EVL: variants seen among roughly 807,000 people sequenced by gnomAD.
The protein encoded by EVL is ena/VASP-like protein.
A neutral mutation model predicts 59.6 loss-of-function variants in EVL; 21 were observed. That is an observed-to-expected ratio of 0.35 (90% CI 0.25 to 0.51). The LOEUF is 0.51. Among genes scored for constraint, EVL ranks in the 20% least tolerant of loss-of-function variants. EVL has a pLI of 0.97. For synonymous variants in EVL, 198 were observed against 203.5 expected (o/e 0.97, Z 0.23); for missense variants, 462 against 546.6 (o/e 0.85, Z 1.54).
Position 100,084,831 on chromosome 14 carries a change from T to C in EVL, c.156T>C (p.Val52=), listed in dbSNP as rs778297086. 3.2e-5 allele frequency: 51 copies of C among 1,613,944 alleles called. No individual in the cohort carries two copies. Among genetic ancestry groups the C allele is most frequent in the Non-Finnish European group, 4.3e-5 (51 of 1,180,006 alleles). ...CTGCCAGCAACACCTTCAGAGTCGT[T>C]GGAGTCAAGTTGCAGGATCAGCAGG... is the stretch of plus-strand genomic sequence containing the variant. ...HNTASNTFRV[V]GVKLQDQQVV... is the part of the protein sequence containing the mutation. The change falls in exon 2 of 14, where the codon GTT becomes GTC. Residue 52 remains valine (V), a synonymous_variant. Transcript: ENST00000392920.
intron 1 of EVL, among the ~76,000 whole-genome samples, chr14:100,016,815 A>G (rs1338157718): frequency 6.6e-6 from 1 of 152,022 alleles, no homozygotes; most frequent in African/African-American, 2.4e-5. Context: ...TGAGGTGTCT[A>G]CCTCTCACTT....
chr14:100,122,895 G>C (rs1887790640), intron 3 of EVL, among the ~76,000 whole-genome samples: 1 of 152,186 alleles, frequency 6.6e-6, no homozygotes, highest in Non-Finnish European at 1.5e-5. Context: ...GCAGGGTGTG[G>C]CCAGAAAGTT....
chr14:100,070,976 A>G (rs980394848), intron 1 of EVL, among the ~76,000 whole-genome samples: 1 of 152,200 alleles, frequency 6.6e-6, no homozygotes, highest in Non-Finnish European at 1.5e-5. Context: ...TTGAAAGAGT[A>G]TGGGAGATGC....
At chr14:100,136,340 C>T (rs935378909) in intron 9 of EVL, among the ~76,000 whole-genome samples, 1 of 152,226 alleles carries the variant, frequency 6.6e-6, no homozygotes, top group Non-Finnish European at 1.5e-5. Context: ...AGTGTCAGGA[C>T]TCATGTCTCC....
rs572160062 is a variant in EVL, at chr14:100,132,875, C to T, written c.900+96C>T. 73 of 1,364,058 alleles carry T rather than the reference C, an allele frequency of 5.4e-5. No homozygotes were observed. The East Asian group carries it at 1.3e-3, about 23-fold the overall frequency. The allele number at this position is 1,364,058 out of a possible 1,614,324, so 84.5% of individuals were successfully genotyped here. A position where few individuals can be genotyped will look rare whatever the true frequency, so the allele number is the denominator to read the frequency against. ...TCTCAGGCGAGGCCTTTGGGACATGCGTGGGATGGGCGCTTCATCAGGTGA... is the reference window on the plus strand; with the variant it reads ...TCTCAGGCGAGGCCTTTGGGACATGTGTGGGATGGGCGCTTCATCAGGTGA... On this transcript the variant is annotated intron_variant, in intron 8 of 13. Coordinates refer to ENST00000392920, the MANE Select transcript of EVL (RefSeq NM_016337.3).
intron 1 of EVL, among the ~76,000 whole-genome samples, chr14:100,002,640 C>G (rs2060953003): frequency 6.6e-6 from 1 of 152,102 alleles, no homozygotes; most frequent in Non-Finnish European, 1.5e-5. Context: ...TTTAGGGAAC[C>G]TAATATCTTA....
chr14:100,028,353 A>T (rs572353413), intron 1 of EVL, among the ~76,000 whole-genome samples: 3 of 151,876 alleles, frequency 2.0e-5, no homozygotes, highest in African/African-American at 7.3e-5. Flanking sequence ...ATTTTTTCAC[A>T]TACCTCTTGG....
At chr14:100,096,400 G>T (rs1213087979) in intron 2 of EVL, among the ~76,000 whole-genome samples, 1 of 152,134 alleles carries the variant, frequency 6.6e-6, no homozygotes, top group Non-Finnish European at 1.5e-5. Context: ...ACTTCCATTC[G>T]TAGAGATCTT....
At chr14:99,988,559 A>G (rs1462900496) in intron 1 of EVL, among the ~76,000 whole-genome samples, 3 of 152,192 alleles carry the variant, frequency 2.0e-5, no homozygotes, top group African/African-American at 7.2e-5. Context: ...GAGTTACCCT[A>G]TGACCTATCA....
intron 3 of EVL, among the ~76,000 whole-genome samples, chr14:100,115,444 G>T (rs1038735748): frequency 3.3e-5 from 5 of 152,234 alleles, no homozygotes; most frequent in African/African-American, 1.2e-4. Flanking sequence ...TTCCTCTCCA[G>T]TGTCTCCTTG....
chr14:100,081,531 A>AG (rs1464694090), intron 1 of EVL, among the ~76,000 whole-genome samples: 3 of 121,014 alleles, frequency 2.5e-5, no homozygotes, highest in African/African-American at 8.7e-5. Context: ...AAAAAAAAAA[A>AG]GGAACCTGTA....
upstream of EVL, chr14:100,065,207 T>C: frequency 5.1e-6 from 1 of 195,534 alleles, no homozygotes; most frequent in Non-Finnish European, 1.0e-5. Context: ...CTTAGAGGCT[T>C]GAGGTTGCCA....
At chr14:100,046,123 C>T (rs1020169437) in intron 1 of EVL, among the ~76,000 whole-genome samples, 2 of 152,160 alleles carry the variant, frequency 1.3e-5, no homozygotes, top group African/African-American at 4.8e-5. Context: ...ATAAGAAAAA[C>T]TCGGGAGACA....
At chr14:100,039,755 GTGTC>G (rs1456400329) in intron 1 of EVL, among the ~76,000 whole-genome samples, 1 of 152,110 alleles carries the variant, frequency 6.6e-6, no homozygotes, top group Non-Finnish European at 1.5e-5. Context: ...TCTGGCTTGT[GTGTC>G]TGGGTGGTGT....
chr14:100,012,893 A>G (rs1450803585), intron 1 of EVL, among the ~76,000 whole-genome samples: 2 of 152,270 alleles, frequency 1.3e-5, no homozygotes, highest in Admixed American at 1.3e-4. Context: ...ATTAGGACTA[A>G]AACCAAGGTC....
At chr14:100,050,490 C>T (rs909705452) in intron 1 of EVL, among the ~76,000 whole-genome samples, 2 of 151,716 alleles carry the variant, frequency 1.3e-5, no homozygotes, top group African/African-American at 2.4e-5. Flanking sequence ...GCTGGGAGTA[C>T]AGGTGCCCGC....
chr14:100,134,557 C>T (rs1368129679), intron 8 of EVL: 2 of 152,216 alleles, frequency 1.3e-5, no homozygotes. Context: ...TTCAGAAGAT[C>T]CACACACCAC....
rs190165412 is a variant in EVL, at chr14:100,121,881, C to G, written c.359-1658C>G. ...GCCCAAGCGTGGAAAGGCCTCCATC[C>G]TAGGGCAGGGCCAACCCTCAGACCA... is the stretch of plus-strand genomic sequence containing the variant. On this transcript the variant is annotated intron_variant, in intron 3 of 13. Coordinates refer to ENST00000392920, the MANE Select transcript of EVL (RefSeq NM_016337.3). Among the ~76,000 whole-genome samples, 36 of 152,344 alleles carry G rather than the reference C, an allele frequency of 2.4e-4. No homozygotes were observed. In the East Asian group the frequency reaches 6.9e-3, roughly 29 times the overall value.
chr14:100,087,079 C>T (rs1301180558), intron 2 of EVL, among the ~76,000 whole-genome samples: 2 of 152,188 alleles, frequency 1.3e-5, no homozygotes, highest in African/African-American at 2.4e-5. Context: ...GGATATCTTA[C>T]ATGTTTAATG....
Sources: gnomAD v4.1 joint callset for allele counts (sites outside exome capture counted in the v4.1 genomes callset) on GRCh38, gnomAD v4.1.1 for gene constraint, MANE v1.5 for transcripts, NCBI Gene and HGNC (gene_info 2026-07-23, HGNC 2026-07-21) for gene names.